The following MTO1 variants were observed in gnomAD, a reference collection of about 807,000 sequenced individuals.
MTO1 encodes the protein 5-taurinomethyluridine-[tRNA] synthase subunit MTO1, mitochondrial.
MTO1 carries 46 observed loss-of-function variants against 71.6 expected under a neutral mutation model. That is an observed-to-expected ratio of 0.64 (90% confidence interval 0.51 to 0.82). The LOEUF is 0.82. MTO1 is among the 40% of genes least tolerant of loss of function. The pLI, the probability that MTO1 is intolerant of heterozygous loss-of-function variation, is 0.00. For synonymous variants in MTO1, 297 were observed against 312.1 expected, an observed-to-expected ratio of 0.95 and a Z score of 0.51; for missense variants, 773 against 867.5, an observed-to-expected ratio of 0.89 and a Z score of 1.37.
intron 3 of MTO1, among the ~76,000 whole-genome samples, chr6:73,469,054 G>A (rs566037331): frequency 7.2e-4 from 110 of 152,212 alleles, no homozygotes; most frequent in Non-Finnish European, 1.3e-3. Flanking sequence ...TGTCACCCAG[G>A]ATGGAGTGCA....
In MTO1 at chr6:73,462,331, C is replaced by T. The variant is rs181288386; in HGVS notation, c.217+260C>T. On this transcript the variant is annotated intron_variant, in intron 1 of 11. Transcript: ENST00000498286. ...GGAGGTTGGGGTTCGGGGTCAGTGC[C>T]TTGGGAAAGGGAGCTACCAACTACT... The T allele has an allele frequency of 8.6e-5, 45 of 521,676 alleles. No individual in the cohort carries two copies. The East Asian group carries it at 1.3e-3, about 15-fold the overall frequency. The allele number at this position is 521,676 out of a possible 1,614,324, so 32.3% of individuals were successfully genotyped here.
intron 4 of MTO1, 45 bp downstream of exon 4, chr6:73,473,699 T>C: frequency 3.3e-6 from 5 of 1,497,442 alleles, no homozygotes; most frequent in Non-Finnish European, 4.5e-6. Flanking sequence ...GTATTGGCTA[T>C]TCACAGCAGG....
At position 73,506,208 on chromosome 6, in the gene MTO1, AC is replaced by A. The variant is rs1412623447; in HGVS notation, c.*5475del. ...TTAGCCAGATGGTCTCGATCTCCTGACCTCGTGATCCACCTCCCTCAGCCTC... is the reference window on the plus strand; with the variant it reads ...TTAGCCAGATGGTCTCGATCTCCTGACTCGTGATCCACCTCCCTCAGCCTC... On this transcript the variant is annotated 3_prime_UTR_variant, in exon 12 of 12. Transcript: ENST00000498286. The A allele has an allele frequency of 6.6e-6, 1 of 151,960 alleles. No homozygotes were observed. Among genetic ancestry groups the A allele is most frequent in the East Asian group, 1.9e-4 (1 of 5,174 alleles). 9.4% of individuals were successfully genotyped at this position (151,960 alleles called of 1,614,324 possible). A position where few individuals can be genotyped will look rare whatever the true frequency, so the allele number is the denominator to read the frequency against.
intron 3 of MTO1, among the ~76,000 whole-genome samples, chr6:73,469,591 C>G (rs973428902): frequency 6.6e-6 from 1 of 152,050 alleles, no homozygotes; most frequent in African/African-American, 2.4e-5. Flanking sequence ...CACTGCACTC[C>G]AGCCTGGGCG....
intron 3 of MTO1, among the ~76,000 whole-genome samples, chr6:73,468,456 A>C (rs1771061525): frequency 6.6e-6 from 1 of 151,206 alleles, no homozygotes; most frequent in South Asian, 2.1e-4. Flanking sequence ...TTAATGTCCA[A>C]TTTTCCTTCC....
In MTO1 at chr6:73,480,672, C is replaced by A; in HGVS notation, c.1130-3C>A. 1 of 1,613,530 alleles carries A rather than the reference C, an allele frequency of 6.2e-7. No homozygotes were observed. Among genetic ancestry groups the A allele is most frequent in the South Asian group, 1.1e-5 (1 of 90,970 alleles). ...TTATTTAATGTCTTTGTTCTTTGGT[C>A]AGGCTACGGTGTTCAGTATGATTAC... On this transcript the variant is annotated splice_region_variant and splice_polypyrimidine_tract_variant and intron_variant, in intron 6 of 11. Coordinates refer to ENST00000498286, the MANE Select transcript of MTO1 (RefSeq NM_012123.4).
At chr6:73,474,328 C>T (rs1771245494) in intron 4 of MTO1, among the ~76,000 whole-genome samples, 1 of 151,926 alleles carries the variant, frequency 6.6e-6, no homozygotes, top group Non-Finnish European at 1.5e-5. Flanking sequence ...CGTGATCCAC[C>T]CATTTCAGCC....
intron 4 of MTO1, among the ~76,000 whole-genome samples, chr6:73,479,132 C>A (rs1582683712): frequency 6.7e-6 from 1 of 149,524 alleles, no homozygotes; most frequent in African/African-American, 2.5e-5. Flanking sequence ...CGTGCTCCAC[C>A]TGCCTTGGCC....
intron 1 of MTO1, among the ~76,000 whole-genome samples, chr6:73,465,380 T>G (rs1770954046): frequency 6.6e-6 from 1 of 151,980 alleles, no homozygotes; most frequent in African/African-American, 2.4e-5. Context: ...CCCAGGGTGG[T>G]CTCAAACTTC....
intron 3 of MTO1, among the ~76,000 whole-genome samples, chr6:73,468,566 C>G (rs1192870126): frequency 6.6e-6 from 1 of 151,630 alleles, no homozygotes; most frequent in Non-Finnish European, 1.5e-5. Context: ...TATGTTTGTC[C>G]CTTTCTTATG....
chr6:73,467,103 C>T (rs1423962856), intron 3 of MTO1, among the ~76,000 whole-genome samples: 7 of 151,656 alleles, frequency 4.6e-5, no homozygotes, highest in Non-Finnish European at 8.8e-5. Context: ...TGCTTGAGCC[C>T]CAGAGTTTGA....
chr6:73,480,197 C>T, intron 6 of MTO1, 71 bp downstream of exon 6: 1 of 1,431,216 alleles, frequency 7.0e-7, no homozygotes, highest in Non-Finnish European at 9.8e-7. Context: ...GAGGCCTTAG[C>T]TACAGTCATT....
chr6:73,489,948 C>T (rs1232180382), intron 9 of MTO1, among the ~76,000 whole-genome samples: 2 of 152,132 alleles, frequency 1.3e-5, no homozygotes, highest in East Asian at 3.8e-4. Flanking sequence ...TCTCCAGCAC[C>T]TGTTGTTTCC....
chr6:73,482,353 G>A, intron 8 of MTO1, 96 bp from the exon 9 acceptor site: 2 of 1,541,282 alleles, frequency 1.3e-6, no homozygotes, highest in Non-Finnish European at 1.8e-6. Flanking sequence ...CAGGAGTTTA[G>A]GACTAGCCTG....
chr6:73,483,885 TCTC>T (rs1211699275), intron 9 of MTO1, among the ~76,000 whole-genome samples: 3 of 151,466 alleles, frequency 2.0e-5, no homozygotes, highest in Admixed American at 1.3e-4. Context: ...TTCAAGCAAT[TCTC>T]CTGCCTCAGC....
chr6:73,470,740 G>A lies in MTO1; in HGVS notation c.536-2625G>A, dbSNP rs1226910192. 2.6e-5 allele frequency among the ~76,000 whole-genome samples: 4 copies of A among 152,128 alleles called. No individual in the cohort carries two copies. The South Asian group carries it at 8.3e-4, about 31-fold the overall frequency. On this transcript the variant is annotated intron_variant, in intron 3 of 11. Coordinates refer to ENST00000498286, the MANE Select transcript of MTO1 (RefSeq NM_012123.4). ...AGGCCGAGGCAGGTGGATCACCTGA[G>A]GTCGGGAGTTTGAGACCAGTCTGGC...
intron 9 of MTO1, chr6:73,487,955 C>T (rs1771702309): frequency 6.6e-6 from 1 of 152,132 alleles, no homozygotes; most frequent in African/African-American, 2.4e-5. Context: ...CAACAGTGCA[C>T]AAGATTGCCC....
chr6:73,468,957 T>C (rs1022879903), intron 3 of MTO1, among the ~76,000 whole-genome samples: 2 of 152,100 alleles, frequency 1.3e-5, no homozygotes, highest in African/African-American at 4.8e-5. Flanking sequence ...CTCTCTTTCA[T>C]GTACACAACT....
At chr6:73,462,798 A>G (rs904220512) in intron 1 of MTO1, among the ~76,000 whole-genome samples, 2 of 152,198 alleles carry the variant, frequency 1.3e-5, no homozygotes, top group East Asian at 3.9e-4. Flanking sequence ...ATTTAAAAAC[A>G]TTTTTTTAGA....
Sources: gnomAD v4.1 joint callset for allele counts (sites outside exome capture counted in the v4.1 genomes callset) on GRCh38, gnomAD v4.1.1 for gene constraint, MANE v1.5 for transcripts, NCBI Gene and HGNC (gene_info 2026-07-23, HGNC 2026-07-21) for gene names.